ERCC6L2: variants seen among roughly 807,000 people sequenced by gnomAD.
The protein encoded by ERCC6L2 is ERCC excision repair 6 like 2.
In ERCC6L2, 77 loss-of-function variants were observed where a neutral mutation model predicts 132.0. The ratio of observed to expected loss-of-function variants is 0.58; its 90% confidence interval spans 0.49 to 0.71. The LOEUF (loss-of-function observed/expected upper bound fraction) is 0.71. Among genes scored for constraint, ERCC6L2 ranks in the 30% least tolerant of loss-of-function variants. ERCC6L2 has a pLI of 0.00. For synonymous variants in ERCC6L2, 583 were observed against 632.4 expected (o/e 0.92, Z 1.17); for missense variants, 1,542 against 1,837.6 (o/e 0.84, Z 2.94).
chr9:95,975,868 T>C (rs1163340310), intron 16 of ERCC6L2, among the ~76,000 whole-genome samples: 1 of 152,178 alleles, frequency 6.6e-6, no homozygotes, highest in East Asian at 1.9e-4. Flanking sequence ...GTCTTCATTT[T>C]TGAAATTTAA....
At chr9:96,032,207 A>G (rs979143061) in intron 19 of ERCC6L2, among the ~76,000 whole-genome samples, 2 of 151,652 alleles carry the variant, frequency 1.3e-5, no homozygotes, top group Non-Finnish European at 2.9e-5. Context: ...ACCTCCCTTC[A>G]TCAGGGAAAG....
chr9:95,958,197 A>C (rs558864521), intron 13 of ERCC6L2, among the ~76,000 whole-genome samples: 2 of 152,108 alleles, frequency 1.3e-5, no homozygotes, highest in Admixed American at 6.6e-5. Flanking sequence ...TACAAAGGAC[A>C]TGAACTCATC....
chr9:95,886,025 GT>G (rs1236178883), intron 2 of ERCC6L2, among the ~76,000 whole-genome samples: 3 of 152,004 alleles, frequency 2.0e-5, no homozygotes, highest in Non-Finnish European at 4.4e-5. Context: ...TTCTCTTTTT[GT>G]TTTTTTGAGA....
At chr9:95,978,861 A>G (rs1832779700) in intron 17 of ERCC6L2, among the ~76,000 whole-genome samples, 1 of 152,164 alleles carries the variant, frequency 6.6e-6, no homozygotes, top group Admixed American at 6.5e-5. Flanking sequence ...CAGAATGCAT[A>G]CTGTATATAA....
chr9:95,905,424 G>T (rs964090526), intron 3 of ERCC6L2, among the ~76,000 whole-genome samples: 7 of 152,122 alleles, frequency 4.6e-5, no homozygotes, highest in African/African-American at 9.7e-5. Context: ...CTGATGCCAG[G>T]ACTCTTTAGA....
chr9:95,918,462 G>T, intron 6 of ERCC6L2: 1 of 479,444 alleles, frequency 2.1e-6, no homozygotes. Flanking sequence ...TTCAGGTCCT[G>T]CAGGTCTGTT....
At chr9:95,980,505 T>TA (rs1832846018) in intron 17 of ERCC6L2, among the ~76,000 whole-genome samples, 1 of 152,194 alleles carries the variant, frequency 6.6e-6, no homozygotes, top group East Asian at 1.9e-4. Flanking sequence ...CAGTAATTGA[T>TA]ACAGCAAAAT....
At chr9:95,943,652 TCAA>T (rs1830911846) in intron 12 of ERCC6L2, among the ~76,000 whole-genome samples, 2 of 151,938 alleles carry the variant, frequency 1.3e-5, no homozygotes, top group South Asian at 2.1e-4. Context: ...CTCCTAAAAC[TCAA>T]CAACAACAAA....
At chr9:95,937,089 T>A (rs766952176) in intron 11 of ERCC6L2, among the ~76,000 whole-genome samples, 2 of 152,248 alleles carry the variant, frequency 1.3e-5, no homozygotes, top group African/African-American at 2.4e-5. Context: ...AACATTTGTG[T>A]ACAGACTTTT....
Position 95,973,101 on chromosome 9 carries a change from A to C in ERCC6L2, c.3337+13A>C, listed in dbSNP as rs749609182. On this transcript the variant is annotated intron_variant, in intron 16 of 18. Coordinates refer to ENST00000653738, the MANE Select transcript of ERCC6L2 (RefSeq NM_020207.7). ...GATAAATTTTTAGGTAACTAAAGAC[A>C]CATTCTCAAAACTTTAAAAAGTATA... 3 of 1,298,110 alleles carry C rather than the reference A, an allele frequency of 2.3e-6. No individual in the cohort carries two copies. The highest frequency in any genetic ancestry group is 2.5e-5 in the Admixed American group (1 of 40,664). The allele number at this position is 1,298,110 out of a possible 1,614,324, so 80.4% of individuals were successfully genotyped here.
At chr9:95,966,824 CT>C in intron 14 of ERCC6L2, 110 bp downstream of exon 14, 1 of 908,288 alleles carries the variant, frequency 1.1e-6, no homozygotes, top group Non-Finnish European at 1.5e-6. Flanking sequence ...TTTTGGTTTT[CT>C]TTATCAAAAA....
chr9:95,921,117 A>T (rs923011622), intron 6 of ERCC6L2, 58 bp from the exon 7 acceptor site: 6 of 1,465,574 alleles, frequency 4.1e-6, no homozygotes, highest in Non-Finnish European at 5.6e-6. Context: ...GTAGATTATG[A>T]TTTTTATTAT....
intron 11 of ERCC6L2, among the ~76,000 whole-genome samples, chr9:95,937,685 T>G (rs963741814): frequency 1.3e-5 from 2 of 151,508 alleles, no homozygotes; most frequent in African/African-American, 4.9e-5. Context: ...TGTGGTGATA[T>G]CCCTTGTTTC....
chr9:95,928,900 C>T, intron 11 of ERCC6L2, 36 bp downstream of exon 11: 13 of 1,396,130 alleles, frequency 9.3e-6, no homozygotes, highest in East Asian at 2.6e-5. Flanking sequence ...GATTTTTATC[C>T]AATTGTTTTT....
intron 17 of ERCC6L2, among the ~76,000 whole-genome samples, chr9:95,994,921 C>G (rs1473741372): frequency 6.6e-6 from 1 of 152,130 alleles, no homozygotes; most frequent in African/African-American, 2.4e-5. Context: ...TAGGTGCCCT[C>G]TACTGTTCTT....
chr9:95,940,770 C>A (rs1830762031), intron 11 of ERCC6L2, among the ~76,000 whole-genome samples: 1 of 151,896 alleles, frequency 6.6e-6, no homozygotes, highest in Admixed American at 6.6e-5. Context: ...CTGTGTATGT[C>A]ATTTAAATCC....
intron 19 of ERCC6L2, among the ~76,000 whole-genome samples, chr9:96,032,442 G>C (rs575574786): frequency 6.6e-6 from 1 of 152,180 alleles, no homozygotes; most frequent in African/African-American, 2.4e-5. Flanking sequence ...TTAGGAACTC[G>C]GCATGAATTG....
chr9:95,911,101 C>T (rs1829319951), intron 4 of ERCC6L2, among the ~76,000 whole-genome samples: 1 of 152,100 alleles, frequency 6.6e-6, no homozygotes, highest in Admixed American at 6.6e-5. Flanking sequence ...CCCTGTGTTG[C>T]CCAGGTTGAT....
At chr9:96,027,397 G>A (rs1834393289) in intron 19 of ERCC6L2, among the ~76,000 whole-genome samples, 3 of 152,244 alleles carry the variant, frequency 2.0e-5, no homozygotes, top group Non-Finnish European at 4.4e-5. Context: ...CGGGCTGCGG[G>A]AAAGGAGAGG....
Sources: allele counts gnomAD v4.1 joint callset (sites outside exome capture counted in the v4.1 genomes callset), GRCh38; gene constraint gnomAD v4.1.1; transcripts MANE v1.5; gene names NCBI Gene and HGNC (gene_info 2026-07-23, HGNC 2026-07-21).